Variants in PHF21A observed in about 807,000 individuals in gnomAD.
PHF21A encodes PHD finger protein 21A.
Under a neutral mutation model 82.5 loss-of-function variants are expected in PHF21A, and 11 were observed. The observed-to-expected ratio is 0.13, with a 90% CI of 0.08 to 0.22. The LOEUF (loss-of-function observed/expected upper bound fraction) is 0.22. Among genes scored for constraint, PHF21A ranks in the 10% least tolerant of loss-of-function variants. The probability of loss-of-function intolerance (pLI) is 1.00; values close to 1 mark genes in which losing one functional copy is unlikely to be tolerated. For synonymous variants in PHF21A, 297 were observed against 302.8 expected, an observed-to-expected ratio of 0.98 and a Z score of 0.20; for missense variants, 579 against 837.8, an observed-to-expected ratio of 0.69 and a Z score of 3.81.
intron 6 of PHF21A, among the ~76,000 whole-genome samples, chr11:46,019,137 CTT>C (rs2095579854): frequency 6.6e-6 from 1 of 151,120 alleles, no homozygotes; most frequent in African/African-American, 2.4e-5. Context: ...CATTTGCAAA[CTT>C]TTGTGGCTGT....
intron 7 of PHF21A, among the ~76,000 whole-genome samples, chr11:45,974,418 A>AATTATTATTATTATTATT (rs59807950): frequency 9.5e-5 from 14 of 147,310 alleles, no homozygotes; most frequent in African/African-American, 3.5e-4. Flanking sequence ...TCAAACGACA[A>AATTATTATTATTATTATT]ATTATTATTA....
intron 3 of PHF21A, among the ~76,000 whole-genome samples, chr11:46,088,408 TAACAACAACAAC>T (rs3061959): frequency 1.3e-5 from 2 of 150,722 alleles, no homozygotes; most frequent in Admixed American, 6.6e-5. Context: ...AACTTTCCAA[TAACAACAACAAC>T]AACAACAACA....
intron 6 of PHF21A, among the ~76,000 whole-genome samples, chr11:46,019,135 A>T (rs2095579562): frequency 6.6e-6 from 1 of 151,980 alleles, no homozygotes; most frequent in Non-Finnish European, 1.5e-5. Flanking sequence ...TCCATTTGCA[A>T]ACTTTTGTGG....
At chr11:45,987,251 A>ATGTATGTATGTATGTATGT (rs375980932) in intron 6 of PHF21A, among the ~76,000 whole-genome samples, 2 of 148,444 alleles carry the variant, frequency 1.3e-5, no homozygotes, top group African/African-American at 5.0e-5. Context: ...ATCATAAATA[A>ATGTATGTATGTATGTATGT]ATGTATGTAT....
chr11:46,016,549 C>T (rs1443906857), intron 6 of PHF21A, among the ~76,000 whole-genome samples: 1 of 152,178 alleles, frequency 6.6e-6, no homozygotes, highest in East Asian at 1.9e-4. Context: ...CCATTTCTTA[C>T]ATAAACCCTT....
chr11:45,978,023 C>T (rs543335617), intron 7 of PHF21A, among the ~76,000 whole-genome samples: 2 of 151,964 alleles, frequency 1.3e-5, no homozygotes, highest in African/African-American at 2.4e-5. Context: ...GATGGTGGGC[C>T]GGTTGCGGTG....
chr11:46,036,972 A>G (rs2096017576), intron 6 of PHF21A, among the ~76,000 whole-genome samples: 3 of 152,102 alleles, frequency 2.0e-5, no homozygotes, highest in Non-Finnish European at 4.4e-5. Flanking sequence ...CAGCTTCCCA[A>G]AGTGTTGGGA....
At chr11:46,004,250 C>A (rs993431222) in intron 6 of PHF21A, among the ~76,000 whole-genome samples, 1 of 151,976 alleles carries the variant, frequency 6.6e-6, no homozygotes, top group Admixed American at 6.6e-5. Flanking sequence ...TTCATAAAAA[C>A]CAAATAACTC....
intron 6 of PHF21A, among the ~76,000 whole-genome samples, chr11:46,040,029 T>A (rs1054195563): frequency 1.3e-5 from 2 of 152,230 alleles, no homozygotes; most frequent in Non-Finnish European, 2.9e-5. Context: ...AAAGCACATG[T>A]AACTGAAAAT....
intron 6 of PHF21A, among the ~76,000 whole-genome samples, chr11:45,997,115 G>A (rs1043493033): frequency 7.2e-5 from 11 of 152,162 alleles, no homozygotes; most frequent in African/African-American, 2.4e-4. Context: ...AGTGTTTGGC[G>A]GAGAAATGTT....
chr11:46,046,813 C>T (rs575160333), intron 6 of PHF21A, among the ~76,000 whole-genome samples: 2 of 152,182 alleles, frequency 1.3e-5, no homozygotes, highest in African/African-American at 2.4e-5. Context: ...TCTGGACAAA[C>T]GAGAGTAGTT....
At chr11:45,951,463 A>G (rs1409480820) in intron 11 of PHF21A, among the ~76,000 whole-genome samples, 1 of 152,250 alleles carries the variant, frequency 6.6e-6, no homozygotes, top group Non-Finnish European at 1.5e-5. Context: ...AAAAACTGAG[A>G]TGGGCACCTA....
At position 45,933,962 on chromosome 11, in the gene PHF21A, G is replaced by A; in HGVS notation, c.*6C>T. ...GGATCCCGTGGCTTCTCCTAGAGGG[G>A]CTCTGTTATTTAGTCTCTTCCCCCT... is the stretch of plus-strand genomic sequence containing the variant. On this transcript the variant is annotated 3_prime_UTR_variant, in exon 19 of 19. Coordinates refer to ENST00000676320, the MANE Select transcript of PHF21A (RefSeq NM_001352027.3). The A allele has an allele frequency of 6.5e-7, 1 of 1,533,360 alleles. No individual in the cohort carries two copies. Among genetic ancestry groups the A allele is most frequent in the Non-Finnish European group, 8.8e-7 (1 of 1,142,108 alleles). The allele number at this position is 1,533,360 out of a possible 1,614,324, so 95.0% of individuals were successfully genotyped here.
chr11:45,982,658 G>A (rs1297319144), intron 6 of PHF21A, among the ~76,000 whole-genome samples: 2 of 152,104 alleles, frequency 1.3e-5, no homozygotes, highest in Non-Finnish European at 2.9e-5. Context: ...TAAAAATTAA[G>A]TAATTATTTA....
chr11:46,079,229 G>T, intron 4 of PHF21A, 63 bp from the exon 5 acceptor site: 1 of 1,192,610 alleles, frequency 8.4e-7, no homozygotes, highest in Non-Finnish European at 1.2e-6. Context: ...GGCTAATCAG[G>T]TTTGGACCAA....
chr11:45,949,316 T>A, intron 13 of PHF21A, 86 bp downstream of exon 13: 2 of 1,089,204 alleles, frequency 1.8e-6, no homozygotes, highest in Non-Finnish European at 2.8e-6. Context: ...GTGCTGCTCT[T>A]CAGCAGGTTT....
chr11:45,936,844 G>A (rs903092976), intron 16 of PHF21A: 18 of 350,106 alleles, frequency 5.1e-5, no homozygotes, highest in African/African-American at 2.4e-4. Context: ...TTTCACACAC[G>A]CCACATGACA....
At chr11:46,078,840 A>C (rs1360749787) in intron 5 of PHF21A, among the ~76,000 whole-genome samples, 2 of 152,134 alleles carry the variant, frequency 1.3e-5, no homozygotes, top group Admixed American at 1.3e-4. Context: ...GGTTCATGGA[A>C]ATGAATTTAA....
intron 6 of PHF21A, among the ~76,000 whole-genome samples, chr11:46,060,866 T>A (rs1457113979): frequency 6.6e-6 from 1 of 152,250 alleles, no homozygotes; most frequent in African/African-American, 2.4e-5. Flanking sequence ...TTTTGCACCT[T>A]CATCGTGAAA....
Sources: allele counts gnomAD v4.1 joint callset (sites outside exome capture counted in the v4.1 genomes callset), GRCh38; gene constraint gnomAD v4.1.1; transcripts MANE v1.5; gene names NCBI Gene and HGNC (gene_info 2026-07-23, HGNC 2026-07-21).